Variants in STARD3NL observed in about 807,000 individuals in gnomAD.
The protein encoded by STARD3NL is STARD3 N-terminal like.
A neutral mutation model predicts 30.9 loss-of-function variants in STARD3NL; 17 were observed. The ratio of observed to expected loss-of-function variants is 0.55; its 90% CI spans 0.38 to 0.82. The LOEUF (loss-of-function observed/expected upper bound fraction) is 0.82. Among genes scored for constraint, STARD3NL ranks in the 40% least tolerant of loss-of-function variants. The pLI is 0.00. For missense variants in STARD3NL, 234 were observed against 277.6 expected, an observed-to-expected ratio of 0.84 and a Z score of 1.12; for synonymous variants, 112 against 100.5, an observed-to-expected ratio of 1.11 and a Z score of -0.69.
At chr7:38,214,306 A>G in intron 2 of STARD3NL, 51 bp from the exon 3 acceptor site, 1 of 1,196,140 alleles carries the variant, frequency 8.4e-7, no homozygotes, top group Non-Finnish European at 1.2e-6. Flanking sequence ...ACCTTGTTTT[A>G]TTTCCACACA....
At chr7:38,209,219 T>C (rs1050198445) in intron 2 of STARD3NL, among the ~76,000 whole-genome samples, 5 of 152,194 alleles carry the variant, frequency 3.3e-5, no homozygotes, top group Non-Finnish European at 7.4e-5. Flanking sequence ...TTAATGTATA[T>C]TTTAAAGGAG....
At chr7:38,204,911 A>T (rs2116209166) in intron 1 of STARD3NL, among the ~76,000 whole-genome samples, 1 of 152,308 alleles carries the variant, frequency 6.6e-6, no homozygotes, top group South Asian at 2.1e-4. Flanking sequence ...TCCTCGACAC[A>T]TACACCCTCC....
chr7:38,210,688 A>ACT (rs1212693363), intron 2 of STARD3NL, among the ~76,000 whole-genome samples: 2 of 151,764 alleles, frequency 1.3e-5, no homozygotes, highest in Non-Finnish European at 2.9e-5. Context: ...CCCTCTGCAG[A>ACT]CTCTCTCCTA....
In STARD3NL at chr7:38,229,950, G is replaced by A. The variant is rs954623191; in HGVS notation, c.*45G>A. ...TGAAAAACCCTCACAGAAAGTCATC[G>A]AGGCAAAAAGAGGCAGGCAGTGGAG... On this transcript the variant is annotated 3_prime_UTR_variant, in exon 9 of 9. Transcript: ENST00000009041. 11 of 152,494 alleles carry A rather than the reference G, an allele frequency of 7.2e-5. No homozygotes were observed. The East Asian group carries it at 1.5e-3, about 21-fold the overall frequency. 9.4% of individuals were successfully genotyped at this position (152,494 alleles called of 1,614,324 possible).
At chr7:38,216,033 T>C (rs1786091032) in intron 4 of STARD3NL, 1 of 152,270 alleles carries the variant, frequency 6.6e-6, no homozygotes, top group African/African-American at 2.4e-5. Context: ...TTGACTCCCT[T>C]TCCTGAATAC....
At chr7:38,191,854 C>A (rs1481725142) in intron 1 of STARD3NL, among the ~76,000 whole-genome samples, 3 of 151,718 alleles carry the variant, frequency 2.0e-5, no homozygotes, top group African/African-American at 7.3e-5. Context: ...TTGCTTTGGA[C>A]AGGCTTATTT....
chr7:38,209,110 G>A (rs527718593), intron 2 of STARD3NL, among the ~76,000 whole-genome samples: 1 of 152,082 alleles, frequency 6.6e-6, no homozygotes, highest in Non-Finnish European at 1.5e-5. Context: ...GGATTGTTAA[G>A]TTTTGTTTAT....
intron 1 of STARD3NL, among the ~76,000 whole-genome samples, chr7:38,195,031 C>A (rs953972095): frequency 6.6e-6 from 1 of 152,036 alleles, no homozygotes; most frequent in African/African-American, 2.4e-5. Flanking sequence ...AAAGCATACA[C>A]TGATACTGAG....
intron 3 of STARD3NL, among the ~76,000 whole-genome samples, chr7:38,214,666 G>T (rs921623589): frequency 6.6e-6 from 1 of 152,324 alleles, no homozygotes; most frequent in South Asian, 2.1e-4. Flanking sequence ...GCAACAGAAG[G>T]AGCCATTCCT....
At position 38,212,993 on chromosome 7, in the gene STARD3NL, A is replaced by G. The variant is rs577603767; in HGVS notation, c.226-1364A>G. Among the ~76,000 whole-genome samples, 7 of 152,184 alleles carry G rather than the reference A, an allele frequency of 4.6e-5. No individual in the cohort carries two copies. The South Asian group carries it at 6.2e-4, about 14-fold the overall frequency. Reference sequence around the variant, plus strand: ...TTTAGATAATGTCTGTTTAAAGCCAACTCCAAATCAGAGCATTTTAAAGTA... The same window carrying G: ...TTTAGATAATGTCTGTTTAAAGCCAGCTCCAAATCAGAGCATTTTAAAGTA... On this transcript the variant is annotated intron_variant, in intron 2 of 8. Coordinates refer to ENST00000009041, the MANE Select transcript of STARD3NL (RefSeq NM_032016.4).
chr7:38,197,979 G>C lies in STARD3NL; in HGVS notation c.-58-9468G>C, dbSNP rs77253673. ...AGTGGGGGGCCTTGCAAGACAGCCAGCTCAGGCTGCTTCCTGCTTCCAGGG... is the reference window on the plus strand; with the variant it reads ...AGTGGGGGGCCTTGCAAGACAGCCACCTCAGGCTGCTTCCTGCTTCCAGGG... On this transcript the variant is annotated intron_variant, in intron 1 of 8. Transcript: ENST00000009041. 4.7e-3 allele frequency among the ~76,000 whole-genome samples: 710 copies of C among 152,324 alleles called. 4 individuals are homozygous for C. Among genetic ancestry groups the C allele is most frequent in the African/African-American group, 0.016 (661 of 41,560 alleles).
rs370971721 is a variant in STARD3NL, at chr7:38,224,597, A to AATC, written c.650-4198_650-4196dup. On this transcript the variant is annotated intron_variant, in intron 7 of 8. Coordinates refer to ENST00000009041, the MANE Select transcript of STARD3NL (RefSeq NM_032016.4). ...CCTGCTTCGTCCTGTCCAGAACGTG[A>AATC]ATCATCCCTCTGTCCAGCAGATCCA... Among the ~76,000 whole-genome samples, 535 of 152,298 alleles carry AATC rather than the reference A, an allele frequency of 3.5e-3. 2 individuals are homozygous for AATC. The highest frequency in any genetic ancestry group is 0.012 in the African/African-American group (507 of 41,574).
At chr7:38,196,434 T>C (rs148001163) in intron 1 of STARD3NL, among the ~76,000 whole-genome samples, 249 of 152,346 alleles carry the variant, frequency 1.6e-3, no homozygotes, top group African/African-American at 5.8e-3. Context: ...TGATTCATTA[T>C]GTGTTTTTTT....
chr7:38,194,085 G>T (rs1053601050), intron 1 of STARD3NL, among the ~76,000 whole-genome samples: 1 of 152,022 alleles, frequency 6.6e-6, no homozygotes, highest in African/African-American at 2.4e-5. Flanking sequence ...TTTTGGAATG[G>T]TTTATTCTAT....
At chr7:38,194,715 CTAT>C (rs1784831052) in intron 1 of STARD3NL, among the ~76,000 whole-genome samples, 1 of 152,004 alleles carries the variant, frequency 6.6e-6, no homozygotes, top group Non-Finnish European at 1.5e-5. Flanking sequence ...TGCTCATTCT[CTAT>C]AGAGTTCCTT....
intron 1 of STARD3NL, among the ~76,000 whole-genome samples, chr7:38,184,697 T>C (rs1420879967): frequency 6.8e-6 from 1 of 146,660 alleles, no homozygotes; most frequent in Non-Finnish European, 1.5e-5. Flanking sequence ...ATAACCCATA[T>C]AGTATATAAT....
At chr7:38,223,120 T>TA (rs1168794523) in intron 7 of STARD3NL, among the ~76,000 whole-genome samples, 1 of 152,044 alleles carries the variant, frequency 6.6e-6, no homozygotes, top group Non-Finnish European at 1.5e-5. Context: ...ATATTAGACT[T>TA]ACAACTGTTG....
intron 1 of STARD3NL, among the ~76,000 whole-genome samples, chr7:38,195,456 T>G (rs1180737650): frequency 2.0e-5 from 3 of 152,202 alleles, no homozygotes; most frequent in Non-Finnish European, 4.4e-5. Flanking sequence ...CTTGAGTTAT[T>G]GTGGACTTAT....
In STARD3NL at chr7:38,217,082, T is replaced by C. The variant is rs780763851; in HGVS notation, c.435+4T>C. On this transcript the variant is annotated splice_donor_region_variant and intron_variant, in intron 5 of 8. Coordinates refer to ENST00000009041, the MANE Select transcript of STARD3NL (RefSeq NM_032016.4). The stretch of plus-strand genomic sequence containing the variant: ...AGCAAAAGTGATCCTTTCGAAGGTA[T>C]GGCCTACCACTTTTTCTATACAGTT... 1.2e-6 allele frequency: 2 copies of C among 1,614,140 alleles called. No individual in the cohort carries two copies. Among genetic ancestry groups the C allele is most frequent in the Non-Finnish European group, 1.7e-6 (2 of 1,179,968 alleles).
Sources: gnomAD v4.1 joint callset for allele counts (sites outside exome capture counted in the v4.1 genomes callset) on GRCh38, gnomAD v4.1.1 for gene constraint, MANE v1.5 for transcripts, NCBI Gene and HGNC (gene_info 2026-07-23, HGNC 2026-07-21) for gene names.